Variants in SBK1 observed in about 807,000 individuals in gnomAD.
SBK1 encodes the protein SH3 domain binding kinase 1.
Under a neutral mutation model 24.4 loss-of-function variants are expected in SBK1, and 11 were observed. The ratio of observed to expected loss-of-function variants is 0.45; its 90% CI spans 0.28 to 0.75. SBK1 has a LOEUF of 0.75. Ranked by LOEUF, SBK1 falls within the 30% of genes least tolerant of loss-of-function variation. The pLI, the probability that SBK1 is intolerant of heterozygous loss-of-function variation, is 0.12. For synonymous variants in SBK1, 308 were observed against 284.4 expected, an observed-to-expected ratio of 1.08 and a Z score of -0.83; for missense variants, 467 against 620.5, an observed-to-expected ratio of 0.75 and a Z score of 2.63.
rs1161702963 is a variant in SBK1, at chr16:28,321,730, T to C, written c.*809T>C. 4 of 152,588 alleles carry C rather than the reference T, an allele frequency of 2.6e-5. No individual in the cohort carries two copies. The highest frequency in any genetic ancestry group is 9.7e-5 in the African/African-American group (4 of 41,392). The allele number at this position is 152,588 out of a possible 1,614,324, so 9.5% of individuals were successfully genotyped here. ...TCCCCCTAACCACAAGGGATTGTCC[T>C]GACAACTTGTGGGGATAGAAGGGCT... On this transcript the variant is annotated 3_prime_UTR_variant, in exon 4 of 4. Transcript: ENST00000341901.
At chr16:28,303,380 G>A (rs2044692652) in intron 1 of SBK1, among the ~76,000 whole-genome samples, 1 of 152,004 alleles carries the variant, frequency 6.6e-6, no homozygotes, top group African/African-American at 2.4e-5. Flanking sequence ...ACCAGGTTGG[G>A]TGCTGAGGTG....
chr16:28,274,910 G>C (rs539094929), intron 1 of SBK1, among the ~76,000 whole-genome samples: 17 of 152,158 alleles, frequency 1.1e-4, no homozygotes, highest in Admixed American at 7.8e-4. Context: ...TTCTCCCAAA[G>C]TGGGAGGTTG....
chr16:28,304,035 C>T (rs1055594766), intron 1 of SBK1, among the ~76,000 whole-genome samples: 4 of 152,152 alleles, frequency 2.6e-5, no homozygotes, highest in African/African-American at 7.2e-5. Context: ...CAAACTCACT[C>T]ACCCTCTAAC....
intron 1 of SBK1, among the ~76,000 whole-genome samples, chr16:28,306,574 A>G (rs946719808): frequency 3.3e-5 from 5 of 152,318 alleles, no homozygotes; most frequent in South Asian, 2.1e-4. Context: ...GACACAGATA[A>G]CCATGAGGCC....
intron 1 of SBK1, among the ~76,000 whole-genome samples, chr16:28,308,246 G>T (rs979395618): frequency 6.6e-6 from 1 of 152,076 alleles, no homozygotes; most frequent in East Asian, 1.9e-4. Flanking sequence ...CACCTCCCGG[G>T]TTCGTGCAAT....
intron 1 of SBK1, among the ~76,000 whole-genome samples, chr16:28,274,323 T>C (rs751756735): frequency 8.5e-5 from 13 of 152,116 alleles, no homozygotes; most frequent in Non-Finnish European, 1.2e-4. Flanking sequence ...GGAAGTATAC[T>C]ACAAAACTGA....
At chr16:28,290,507 C>T (rs949698633), upstream of SBK1, 2 of 152,198 alleles carry the variant, frequency 1.3e-5, no homozygotes, top group Admixed American at 6.6e-5. Context: ...TAGTGGCACA[C>T]GCCTGTAATC....
At chr16:28,304,342 G>A (rs1452278048) in intron 1 of SBK1, among the ~76,000 whole-genome samples, 3 of 152,112 alleles carry the variant, frequency 2.0e-5, no homozygotes, top group African/African-American at 7.2e-5. Flanking sequence ...CACGCCTGTG[G>A]TGCTGAAGAC....
chr16:28,277,234 A>G (rs544507243), intron 1 of SBK1, among the ~76,000 whole-genome samples: 2 of 152,176 alleles, frequency 1.3e-5, no homozygotes, highest in East Asian at 3.9e-4. Context: ...ACAAACTTAA[A>G]GATGGTGAGA....
chr16:28,294,435 C>T (rs971688034), intron 1 of SBK1, among the ~76,000 whole-genome samples: 1 of 152,174 alleles, frequency 6.6e-6, no homozygotes, highest in African/African-American at 2.4e-5. Context: ...TACAGCTAGC[C>T]CTGCCAGTAG....
intron 1 of SBK1, among the ~76,000 whole-genome samples, chr16:28,273,213 CT>C (rs1460842232): frequency 6.6e-6 from 1 of 151,402 alleles, no homozygotes; most frequent in Non-Finnish European, 1.5e-5. Flanking sequence ...CCTGGCCTCT[CT>C]TTCAGATTTT....
intron 1 of SBK1, among the ~76,000 whole-genome samples, chr16:28,270,581 C>T (rs1332386124): frequency 6.6e-6 from 1 of 151,838 alleles, no homozygotes; most frequent in Non-Finnish European, 1.5e-5. Flanking sequence ...AGTGCCACCA[C>T]ACCCGGCCAA....
chr16:28,304,997 C>A (rs908601560), intron 1 of SBK1, among the ~76,000 whole-genome samples: 1 of 152,080 alleles, frequency 6.6e-6, no homozygotes, highest in African/African-American at 2.4e-5. Flanking sequence ...ACAATCTCCA[C>A]CTCCCGGGTT....
chr16:28,280,149 A>ATATATATATATGTGTGTGTGTG (rs1230385223), intron 1 of SBK1, among the ~76,000 whole-genome samples: 6 of 39,402 alleles, frequency 1.5e-4, no homozygotes, highest in African/African-American at 4.9e-4. Flanking sequence ...ATATATATAT[A>ATATATATATATGTGTGTGTGTG]TGTGTGTGTG....
chr16:28,292,201 G>C (rs2044603642), upstream of SBK1: 1 of 146,996 alleles, frequency 6.8e-6, no homozygotes, highest in Non-Finnish European at 1.5e-5. Context: ...AGACTCCCCC[G>C]AGTCCTCTGT....
At chr16:28,294,174 G>A (rs7194938) in intron 1 of SBK1, among the ~76,000 whole-genome samples, 3 of 152,090 alleles carry the variant, frequency 2.0e-5, no homozygotes, top group Non-Finnish European at 4.4e-5. Flanking sequence ...CCGTACCCCA[G>A]CCTGGCCCTC....
chr16:28,293,236 GGGCAGACGAAGACCGC>G lies in SBK1; in HGVS notation c.-70_-55del. 1.0e-6 allele frequency: 1 copy of G among 985,448 alleles called. No individual in the cohort carries two copies. The highest frequency in any genetic ancestry group is 1.2e-6 in the Non-Finnish European group (1 of 829,974). The allele number at this position is 985,448 out of a possible 1,614,324, so 61.0% of individuals were successfully genotyped here. A position where few individuals can be genotyped will look rare whatever the true frequency, so the allele number is the denominator to read the frequency against. On this transcript the variant is annotated 5_prime_UTR_variant, in exon 1 of 4. Transcript: ENST00000341901. ...CGTGGCGCCCTGAGCCCCCGGGGCC[GGGCAGACGAAGACCGC>G]GACGGCGCCCAGGCCCCCTGCCGCG...
intron 1 of SBK1, among the ~76,000 whole-genome samples, chr16:28,266,542 A>G (rs1320657613): frequency 6.6e-6 from 1 of 152,044 alleles, no homozygotes; most frequent in Non-Finnish European, 1.5e-5. Context: ...ACTGAGCTGA[A>G]ATCAAAGTGT....
chr16:28,272,061 T>G (rs2141562095), intron 1 of SBK1, among the ~76,000 whole-genome samples: 1 of 152,318 alleles, frequency 6.6e-6, no homozygotes, highest in South Asian at 2.1e-4. Flanking sequence ...TATTTTTAAA[T>G]GTACAATACA....
Sources: gnomAD v4.1 joint callset for allele counts (sites outside exome capture counted in the v4.1 genomes callset) on GRCh38, gnomAD v4.1.1 for gene constraint, MANE v1.5 for transcripts, NCBI Gene and HGNC (gene_info 2026-07-23, HGNC 2026-07-21) for gene names.